Variants in GRIP1 observed in about 807,000 individuals in gnomAD.
The protein encoded by GRIP1 is glutamate receptor interacting protein 1.
Under a neutral mutation model 129.9 loss-of-function variants are expected in GRIP1, and 45 were observed. The ratio of observed to expected loss-of-function variants is 0.35; its 90% CI spans 0.27 to 0.44. The LOEUF is 0.44. GRIP1 is among the 20% of genes least tolerant of loss of function. GRIP1 has a pLI of 1.00. For missense variants in GRIP1, 1,196 were observed against 1,396.8 expected, an observed-to-expected ratio of 0.86 and a Z score of 2.29; for synonymous variants, 530 against 520.8, an observed-to-expected ratio of 1.02 and a Z score of -0.24.
chr12:66,684,700 C>G (rs1314679145), intron 1 of GRIP1, among the ~76,000 whole-genome samples: 1 of 152,042 alleles, frequency 6.6e-6, no homozygotes, highest in Non-Finnish European at 1.5e-5. Flanking sequence ...CAAAAATTAG[C>G]CAGGCGTGGT....
intron 1 of GRIP1, among the ~76,000 whole-genome samples, chr12:66,726,656 A>G (rs2036263613): frequency 6.6e-6 from 1 of 152,226 alleles, no homozygotes; most frequent in Non-Finnish European, 1.5e-5. Context: ...CCTGTCATGC[A>G]GTTGTAATAT....
chr12:66,589,958 A>C (rs2063793043), intron 2 of GRIP1, among the ~76,000 whole-genome samples: 1 of 152,198 alleles, frequency 6.6e-6, no homozygotes, highest in African/African-American at 2.4e-5. Flanking sequence ...CTACAACCCT[A>C]GGTTGAAGGT....
intron 1 of GRIP1, among the ~76,000 whole-genome samples, chr12:67,059,987 T>G (rs1304220933): frequency 1.3e-5 from 2 of 152,206 alleles, no homozygotes; most frequent in South Asian, 2.1e-4. Flanking sequence ...GCAGTCAAAC[T>G]TAGGTAGTGA....
At chr12:66,585,477 T>C (rs12296588) in intron 2 of GRIP1, among the ~76,000 whole-genome samples, 6,418 of 110,374 alleles carry the variant, frequency 0.058, 294 homozygotes, top group Middle Eastern at 0.098. Context: ...GTATATGTGC[T>C]ACATTTTCTT....
rs559793959 is a variant in GRIP1, at chr12:66,657,293, T to G, written c.55+21557A>C. Among the ~76,000 whole-genome samples the G allele has an allele frequency of 3.9e-5, 6 of 152,258 alleles. No homozygotes were observed. The East Asian group carries it at 1.2e-3, about 29-fold the overall frequency. ...TGAAGGAGGACCCTCCCCACCACCC[T>G]GGTCCCGCCCCATTCGCCGCCACAC... On this transcript the variant is annotated intron_variant, in intron 1 of 24. Transcript: ENST00000359742.
chr12:66,586,276 C>G (rs919002027), intron 2 of GRIP1, among the ~76,000 whole-genome samples: 2 of 152,188 alleles, frequency 1.3e-5, no homozygotes, highest in Non-Finnish European at 2.9e-5. Flanking sequence ...TCTCATTCAT[C>G]TCATCATCAA....
rs79511448 is a variant in GRIP1, at chr12:66,609,214, T to G, written c.56-12287A>C. Among the ~76,000 whole-genome samples the G allele has an allele frequency of 5.9e-3, 895 of 152,080 alleles. 6 individuals carry two copies. Among genetic ancestry groups the G allele is most frequent in the Middle Eastern group, 0.02 (6 of 294 alleles). ...TAGGTCTGCCTGAAACAAAAGACCA[T>G]CCTTTTCCCAATGTCGCCACACTGC... is the stretch of plus-strand genomic sequence containing the variant. On this transcript the variant is annotated intron_variant, in intron 1 of 24. Coordinates refer to ENST00000359742, the MANE Select transcript of GRIP1 (RefSeq NM_001366722.1).
At chr12:66,971,185 C>T (rs895692317) in intron 1 of GRIP1, among the ~76,000 whole-genome samples, 1 of 152,118 alleles carries the variant, frequency 6.6e-6, no homozygotes, top group Non-Finnish European at 1.5e-5. Context: ...GTAAGCAAAT[C>T]TTAGCTGTGA....
intron 23 of GRIP1, among the ~76,000 whole-genome samples, chr12:66,356,907 G>C (rs963860341): frequency 6.6e-6 from 1 of 152,048 alleles, no homozygotes; most frequent in Non-Finnish European, 1.5e-5. Context: ...GTCTTGCTCT[G>C]TCACCCAGGC....
intron 14 of GRIP1, among the ~76,000 whole-genome samples, chr12:66,430,735 T>A (rs1229975341): frequency 6.6e-6 from 1 of 152,240 alleles, no homozygotes; most frequent in Non-Finnish European, 1.5e-5. Flanking sequence ...ATACATCTAT[T>A]GTATAAAACA....
At chr12:66,471,618 C>T (rs2059440838) in intron 7 of GRIP1, among the ~76,000 whole-genome samples, 1 of 152,272 alleles carries the variant, frequency 6.6e-6, no homozygotes, top group East Asian at 1.9e-4. Context: ...TTATGCAGTT[C>T]TCACTATTGG....
At chr12:66,375,727 A>G (rs970308747) in intron 22 of GRIP1, among the ~76,000 whole-genome samples, 2 of 152,260 alleles carry the variant, frequency 1.3e-5, no homozygotes, top group African/African-American at 2.4e-5. Context: ...TTACTGATGG[A>G]TGTTGTTTTC....
At chr12:66,952,581 T>C (rs950311006) in intron 1 of GRIP1, among the ~76,000 whole-genome samples, 6 of 152,206 alleles carry the variant, frequency 3.9e-5, no homozygotes, top group African/African-American at 7.2e-5. Flanking sequence ...TTTCTCCTTA[T>C]TGATCATATC....
intron 1 of GRIP1, among the ~76,000 whole-genome samples, chr12:66,747,365 A>C (rs546891111): frequency 6.6e-6 from 1 of 152,356 alleles, no homozygotes; most frequent in South Asian, 2.1e-4. Context: ...GCAACTGTGT[A>C]CATGAAAAGA....
intron 23 of GRIP1, among the ~76,000 whole-genome samples, chr12:66,358,574 A>G (rs947222992): frequency 3.3e-5 from 5 of 152,032 alleles, no homozygotes; most frequent in Non-Finnish European, 7.4e-5. Flanking sequence ...CAGCCTCCCA[A>G]ATAGCTGGGA....
chr12:66,641,575 T>C (rs1038872747), intron 1 of GRIP1, among the ~76,000 whole-genome samples: 20 of 152,222 alleles, frequency 1.3e-4, no homozygotes, highest in African/African-American at 4.8e-4. Context: ...TATTCTTTCA[T>C]GACACATAGG....
intron 1 of GRIP1, among the ~76,000 whole-genome samples, chr12:66,666,715 A>G (rs2033815437): frequency 6.6e-6 from 1 of 152,106 alleles, no homozygotes; most frequent in Admixed American, 6.6e-5. Flanking sequence ...GATTACTTCT[A>G]TATACATTTT....
chr12:66,654,129 A>G (rs1183429057), intron 1 of GRIP1, among the ~76,000 whole-genome samples: 1 of 152,194 alleles, frequency 6.6e-6, no homozygotes, highest in Admixed American at 6.5e-5. Flanking sequence ...TAGGTGATAG[A>G]TTGAAACTTT....
chr12:66,744,408 C>T (rs916315603), intron 1 of GRIP1, among the ~76,000 whole-genome samples: 1 of 152,048 alleles, frequency 6.6e-6, no homozygotes, highest in Non-Finnish European at 1.5e-5. Flanking sequence ...AACATAATGC[C>T]CTATATGTCC....
Sources: gnomAD v4.1 joint callset for allele counts (sites outside exome capture counted in the v4.1 genomes callset) on GRCh38, gnomAD v4.1.1 for gene constraint, MANE v1.5 for transcripts, NCBI Gene and HGNC (gene_info 2026-07-23, HGNC 2026-07-21) for gene names.